NTM: variants seen among roughly 807,000 people sequenced by gnomAD.
NTM encodes the protein neurotrimin.
A neutral mutation model predicts 42.1 loss-of-function variants in NTM; 13 were observed. The ratio of observed to expected loss-of-function variants is 0.31; its 90% CI spans 0.20 to 0.49. The LOEUF (loss-of-function observed/expected upper bound fraction) is 0.49. Among genes scored for constraint, NTM ranks in the 20% least tolerant of loss-of-function variants. The probability of loss-of-function intolerance (pLI) is 0.99; values close to 1 mark genes in which losing one functional copy is unlikely to be tolerated. For missense variants in NTM, 373 were observed against 452.8 expected, an observed-to-expected ratio of 0.82 and a Z score of 1.60; for synonymous variants, 187 against 179.2, an observed-to-expected ratio of 1.04 and a Z score of -0.35.
chr11:132,254,672 A>G (rs1738568253), intron 4 of NTM, among the ~76,000 whole-genome samples: 1 of 151,980 alleles, frequency 6.6e-6, no homozygotes, highest in African/African-American at 2.4e-5. Context: ...CGGTTTCTGC[A>G]TCACTGGAAG....
intron 1 of NTM, among the ~76,000 whole-genome samples, chr11:131,833,850 C>T (rs531903172): frequency 6.6e-6 from 1 of 152,276 alleles, no homozygotes; most frequent in South Asian, 2.1e-4. Context: ...CCTGTAACAA[C>T]TCAATTTCTG....
intron 1 of NTM, among the ~76,000 whole-genome samples, chr11:131,428,518 T>C (rs1948371226): frequency 6.6e-6 from 1 of 152,088 alleles, no homozygotes; most frequent in Admixed American, 6.6e-5. Flanking sequence ...TCTATTCTCC[T>C]CAATGGACCT....
At chr11:131,544,224 T>G (rs2053635110) in intron 1 of NTM, among the ~76,000 whole-genome samples, 1 of 152,216 alleles carries the variant, frequency 6.6e-6, no homozygotes, top group Non-Finnish European at 1.5e-5. Context: ...ATTTTTCTTA[T>G]TTAAAAAATA....
Position 131,517,636 on chromosome 11 carries a change from ACT to A in NTM, c.82+146751_82+146752del, listed in dbSNP as rs144657347. On this transcript the variant is annotated intron_variant, in intron 1 of 8. Transcript: ENST00000683400. ...TTAAGCTGATAAGTGTGGAATCCAG[ACT>A]CTGGTCTAGTTTCTTCTTTGTGTCT... Among the ~76,000 whole-genome samples the A allele has an allele frequency of 3.6e-3, 543 of 152,116 alleles. 3 individuals carry two copies. Among genetic ancestry groups the A allele is most frequent in the African/African-American group, 0.013 (519 of 41,498 alleles).
intron 2 of NTM, among the ~76,000 whole-genome samples, chr11:132,090,562 T>G (rs1224186480): frequency 6.6e-6 from 1 of 152,250 alleles, no homozygotes; most frequent in African/African-American, 2.4e-5. Flanking sequence ...AATCAGAAAA[T>G]TTAGTGAAAT....
intron 1 of NTM, among the ~76,000 whole-genome samples, chr11:131,465,504 ACTATGTCTT>A (rs1162401667): frequency 6.6e-6 from 1 of 152,092 alleles, no homozygotes; most frequent in Non-Finnish European, 1.5e-5. Flanking sequence ...TTGCCAGCTT[ACTATGTCTT>A]CTCTTCCAAC....
chr11:131,731,926 A>G (rs1423104227), intron 1 of NTM, among the ~76,000 whole-genome samples: 1 of 152,138 alleles, frequency 6.6e-6, no homozygotes, highest in Non-Finnish European at 1.5e-5. Flanking sequence ...CTCTATCTGT[A>G]CACGCTATTG....
chr11:131,520,792 CT>C (rs2049537832), intron 1 of NTM, among the ~76,000 whole-genome samples: 9 of 151,902 alleles, frequency 5.9e-5, no homozygotes, highest in Non-Finnish European at 1.0e-4. Context: ...ACTCAGCATT[CT>C]TTTTTTCAAG....
At chr11:132,014,736 GT>G (rs146527050) in intron 2 of NTM, among the ~76,000 whole-genome samples, 1,160 of 84,004 alleles carry the variant, frequency 0.014, 10 homozygotes, top group Middle Eastern at 0.049. Context: ...AGAATTACTT[GT>G]TTTTTTTTTT....
chr11:132,269,291 G>A (rs902745731), intron 4 of NTM, among the ~76,000 whole-genome samples: 3 of 152,162 alleles, frequency 2.0e-5, no homozygotes, highest in African/African-American at 7.2e-5. Flanking sequence ...TAGTGATTTT[G>A]TTTTTAAATA....
intron 1 of NTM, among the ~76,000 whole-genome samples, chr11:131,886,868 A>G (rs886966370): frequency 5.3e-5 from 8 of 152,218 alleles, no homozygotes; most frequent in African/African-American, 1.9e-4. Flanking sequence ...GGATGATACT[A>G]AGACCTCTCA....
At chr11:131,632,692 T>TTTTTTTTTTTA (rs2063776976) in intron 1 of NTM, among the ~76,000 whole-genome samples, 2 of 142,550 alleles carry the variant, frequency 1.4e-5, no homozygotes, top group Non-Finnish European at 3.0e-5. Context: ...TTTTTTTTTT[T>TTTTTTTTTTTA]GAGACGGAGT....
At chr11:131,743,110 T>C (rs1253582454) in intron 1 of NTM, among the ~76,000 whole-genome samples, 1 of 152,236 alleles carries the variant, frequency 6.6e-6, no homozygotes, top group Non-Finnish European at 1.5e-5. Flanking sequence ...TGTATGCCAT[T>C]GTCTCAACAA....
intron 1 of NTM, among the ~76,000 whole-genome samples, chr11:131,558,879 G>A (rs192188357): frequency 1.3e-5 from 2 of 152,180 alleles, no homozygotes; most frequent in Admixed American, 1.3e-4. Context: ...GGTTTCTTAT[G>A]TACCATTCTA....
At position 131,520,103 on chromosome 11, in the gene NTM, G is replaced by A. The variant is rs185463793; in HGVS notation, c.82+149215G>A. On this transcript the variant is annotated intron_variant, in intron 1 of 8. Coordinates refer to ENST00000683400, the MANE Select transcript of NTM (RefSeq NM_001352005.2). ...GTGAATAGAGTCTTCAACTTCTATC[G>A]TCGTCAACAGTTGCATTATAGAATC... Among the ~76,000 whole-genome samples the A allele has an allele frequency of 3.3e-5, 5 of 152,230 alleles. 1 individual carries two copies. The highest frequency in any genetic ancestry group is 1.9e-4 in the East Asian group (1 of 5,178).
chr11:131,570,065 A>T (rs543515452), intron 1 of NTM, among the ~76,000 whole-genome samples: 1 of 152,296 alleles, frequency 6.6e-6, no homozygotes, highest in African/African-American at 2.4e-5. Context: ...TTCTTCCCAG[A>T]TATCATTTAT....
At position 132,003,914 on chromosome 11, in the gene NTM, C is replaced by A. The variant is rs2070060945; in HGVS notation, c.167+92266C>A. ...AGACTTCTTTTTGAACATTCTTTAG[C>A]CACTCGATGGCCCAGAGCCCCATCC... is the stretch of plus-strand genomic sequence containing the variant. On this transcript the variant is annotated intron_variant, in intron 2 of 8. Coordinates refer to ENST00000683400, the MANE Select transcript of NTM (RefSeq NM_001352005.2). This position sits in a 1 kb window ranked among gnomAD's most constrained non-coding sequence, Gnocchi z 6.0. Among the ~76,000 whole-genome samples, 1 of 152,194 alleles carries A rather than the reference C, an allele frequency of 6.6e-6. No homozygotes were observed. Among genetic ancestry groups the A allele is most frequent in the African/African-American group, 2.4e-5 (1 of 41,458 alleles).
At chr11:131,884,873 G>A (rs1592553585) in intron 1 of NTM, among the ~76,000 whole-genome samples, 1 of 152,292 alleles carries the variant, frequency 6.6e-6, no homozygotes, top group East Asian at 1.9e-4. Flanking sequence ...CTTCCTGTGT[G>A]TCAGGGCTAC....
intron 2 of NTM, among the ~76,000 whole-genome samples, chr11:132,016,630 G>A (rs756171307): frequency 3.3e-5 from 5 of 152,000 alleles, no homozygotes; most frequent in Admixed American, 2.0e-4. Context: ...TTATGTGAAC[G>A]TATGTTTTCA....
Sources: gnomAD v4.1 joint callset for allele counts (sites outside exome capture counted in the v4.1 genomes callset) on GRCh38, gnomAD v4.1.1 for gene constraint, Gnocchi (gnomAD v3.1) non-coding constraint, MANE v1.5 for transcripts, NCBI Gene and HGNC (gene_info 2026-07-23, HGNC 2026-07-21) for gene names.